HDAC6: variants seen among roughly 807,000 people sequenced by gnomAD.
HDAC6 encodes the protein protein deacetylase HDAC6.
A neutral mutation model predicts 88.9 loss-of-function variants in HDAC6; 5 were observed. The ratio of observed to expected loss-of-function variants is 0.06; its 90% CI spans 0.03 to 0.12. The LOEUF is 0.12. HDAC6 is among the 10% of genes least tolerant of loss of function. HDAC6 has a pLI of 1.00. For missense variants in HDAC6, 706 were observed against 1,014.4 expected (o/e 0.70, Z 4.13); for synonymous variants, 378 against 398.0 (o/e 0.95, Z 0.60).
At chrX:48,802,448 G>A in intron 1 of HDAC6, 1 of 1,005,619 alleles carries the variant, frequency 9.9e-7, no homozygotes, top group Non-Finnish European at 1.3e-6. Flanking sequence ...TGTAAAAGGG[G>A]TGGAGTCTAG....
intron 4 of HDAC6, among the ~76,000 whole-genome samples, chrX:48,804,433 C>A: frequency 8.9e-6 from 1 of 112,062 alleles, no homozygotes; most frequent in Non-Finnish European, 1.9e-5. Context: ...TTTCACATCC[C>A]AATGAGACTT....
At chrX:48,820,070 C>A in intron 22 of HDAC6, 36 bp from the exon 23 acceptor site, 1 of 1,202,767 alleles carries the variant, frequency 8.3e-7, no homozygotes, top group Non-Finnish European at 1.1e-6. Flanking sequence ...AAGCCCCTAC[C>A]CTCATGCTTA....
chrX:48,802,372 A>C, intron 1 of HDAC6: 1 of 897,281 alleles, frequency 1.1e-6, no homozygotes, highest in Non-Finnish European at 1.4e-6. Context: ...GCAGGCCCTA[A>C]GACGGACTGT....
chrX:48,812,475 A>G (rs1225483494), intron 10 of HDAC6, among the ~76,000 whole-genome samples: 4 of 112,489 alleles, frequency 3.6e-5, no homozygotes, highest in Non-Finnish European at 7.5e-5. Context: ...TTTTGTGTGC[A>G]TTGACCTGGA....
At chrX:48,808,383 GC>G in intron 10 of HDAC6, 57 bp downstream of exon 10, 1 of 905,604 alleles carries the variant, frequency 1.1e-6, no homozygotes, top group Non-Finnish European at 1.6e-6. Context: ...ACCCTTACAG[GC>G]CCAGCCAGAA....
chrX:48,810,039 A>G (rs1362894423), intron 10 of HDAC6, among the ~76,000 whole-genome samples: 2 of 103,434 alleles, frequency 1.9e-5, no homozygotes, highest in Admixed American at 1.0e-4. Flanking sequence ...CAAGTAATCT[A>G]CTTTCCTCTC....
In HDAC6 at chrX:48,823,598, A is replaced by C. The variant is rs781798715; in HGVS notation, c.3189+10A>C. ...AGGCAGCGAATCTCAGGTAAGGCTC[A>C]CCACACCCAGGTAGGGGCAAGAAGG... On this transcript the variant is annotated intron_variant, in intron 25 of 28. Coordinates refer to ENST00000334136, the MANE Select transcript of HDAC6 (RefSeq NM_006044.4). 3.4e-5 allele frequency: 41 copies of C among 1,202,153 alleles called. No homozygotes were observed. The Middle Eastern group carries it at 1.2e-3, about 34-fold the overall frequency.
chrX:48,818,485 G>T, intron 22 of HDAC6, 73 bp downstream of exon 22: 1 of 883,098 alleles, frequency 1.1e-6, no homozygotes, highest in South Asian at 2.6e-5. Context: ...TGCCTCCTTG[G>T]CATGTGTGTG....
At chrX:48,816,969 TC>T (rs2062996669) in intron 19 of HDAC6, 1 of 247,546 alleles carries the variant, frequency 4.0e-6, no homozygotes, top group Admixed American at 6.7e-5. Flanking sequence ...AAAAAAAAGG[TC>T]CGGGCGTGAT....
chrX:48,807,350 A>G (rs1215349971), intron 8 of HDAC6, among the ~76,000 whole-genome samples: 2 of 112,705 alleles, frequency 1.8e-5, no homozygotes, highest in African/African-American at 3.2e-5. Flanking sequence ...AAAAAATGCT[A>G]CAGCAAATAT....
At chrX:48,810,839 A>G (rs2062891606) in intron 10 of HDAC6, 1 of 109,730 alleles carries the variant, frequency 9.1e-6, no homozygotes, top group Non-Finnish European at 1.9e-5. Flanking sequence ...TTTTTATCTT[A>G]TGTTTTCTGT....
chrX:48,824,880 A>G lies in HDAC6; in HGVS notation c.*268A>G. On this transcript the variant is annotated 3_prime_UTR_variant, in exon 29 of 29. Transcript: ENST00000334136. ...AGGGGGGCAGCTCAGTGGCCCCAAG[A>G]GGGAGCTGATATCATGAGGATAACA... 1 of 1,115,592 alleles carries G rather than the reference A, an allele frequency of 9.0e-7. No individual in the cohort carries two copies. The highest frequency in any genetic ancestry group is 1.2e-6 in the Non-Finnish European group (1 of 847,978). 91.9% of individuals were successfully genotyped at this position (1,115,592 alleles called of 1,213,427 possible).
chrX:48,815,701 C>A, intron 16 of HDAC6, 59 bp downstream of exon 16: 1 of 1,101,594 alleles, frequency 9.1e-7, no homozygotes, highest in Non-Finnish European at 1.3e-6. Flanking sequence ...CTGGGGGAGA[C>A]TGTCTTCAGA....
In HDAC6 at chrX:48,816,764, G is replaced by A. The variant is rs1453491019; in HGVS notation, c.1791+131G>A. 4.4e-4 allele frequency: 215 copies of A among 489,376 alleles called. 3 individuals are homozygous for A. Among genetic ancestry groups the A allele is most frequent in the Non-Finnish European group, 5.9e-4 (187 of 314,647 alleles). 40.3% of individuals were successfully genotyped at this position (489,376 alleles called of 1,213,427 possible). On this transcript the variant is annotated intron_variant, in intron 19 of 28. Coordinates refer to ENST00000334136, the MANE Select transcript of HDAC6 (RefSeq NM_006044.4). ...AGGGGCCATGGGGAGGGGCACGGGA[G>A]GGGGTGGGCCTAGAGGCTGGGGGAA...
chrX:48,805,249 G>A (rs891184526), intron 4 of HDAC6, among the ~76,000 whole-genome samples, 189 bp from the exon 5 acceptor site: 5 of 111,766 alleles, frequency 4.5e-5, no homozygotes, highest in Non-Finnish European at 7.5e-5. Flanking sequence ...CAGCCCAGGC[G>A]GGAGGGTATG....
chrX:48,817,951 C>G, intron 20 of HDAC6, 90 bp from the exon 21 acceptor site: 1 of 844,565 alleles, frequency 1.2e-6, no homozygotes, highest in Non-Finnish European at 1.7e-6. Context: ...CCACTCAGCA[C>G]TAAATGCCCC....
intron 17 of HDAC6, 41 bp from the exon 18 acceptor site, chrX:48,816,100 C>T (rs5905711): frequency 8.3e-7 from 1 of 1,210,028 alleles, no homozygotes; most frequent in Non-Finnish European, 1.1e-6. Flanking sequence ...GTCCCTCCCC[C>T]TCAGGCACTA....
Position 48,818,100 on chromosome X carries a change from A to G in HDAC6, c.1985A>G (p.Asp662Gly). The G allele has an allele frequency of 8.4e-7, 1 of 1,197,535 alleles. No individual in the cohort carries two copies. Among genetic ancestry groups the G allele is most frequent in the Non-Finnish European group, 1.1e-6 (1 of 888,187 alleles). ...HGNGTQHMFE[D>G]DPSVLYVSLH... ...AATGGAACTCAGCACATGTTTGAGG[A>G]TGACCCCAGGTAAGGGCTGCAGTCA... Residue 662 changes from aspartate to glycine, a missense_variant, in exon 21 of 29, where the codon GAT becomes GGT. Asp to Gly is a moderately conservative substitution (Grantham distance 94). Coordinates refer to ENST00000334136, the MANE Select transcript of HDAC6 (RefSeq NM_006044.4).
intron 14 of HDAC6, 93 bp from the exon 15 acceptor site, chrX:48,815,291 A>C (rs1413851386): frequency 1.5e-6 from 1 of 660,523 alleles, no homozygotes; most frequent in Admixed American, 2.7e-5. Context: ...GTTGCTTGAC[A>C]TGTGGTATGC....
Sources: gnomAD v4.1 joint callset for allele counts (sites outside exome capture counted in the v4.1 genomes callset) on GRCh38, gnomAD v4.1.1 for gene constraint, MANE v1.5 for transcripts, NCBI Gene and HGNC (gene_info 2026-07-23, HGNC 2026-07-21) for gene names.